The following MTMR2 variants were observed in gnomAD, a reference collection of about 807,000 sequenced individuals.
The protein encoded by MTMR2 is myotubularin related protein 2, also known as phosphatidylinositol-3,5-bisphosphate 3-phosphatase MTMR2.
A neutral mutation model predicts 86.9 loss-of-function variants in MTMR2; 55 were observed. That is an observed-to-expected ratio of 0.63 (90% CI 0.51 to 0.79). The LOEUF is 0.79. Ranked by LOEUF, MTMR2 falls within the 30% of genes least tolerant of loss-of-function variation. MTMR2 has a pLI of 0.00. For synonymous variants in MTMR2, 241 were observed against 266.8 expected (o/e 0.90, Z 0.94); for missense variants, 659 against 772.3 (o/e 0.85, Z 1.74).
chr11:95,869,177 G>T (rs900107774), intron 2 of MTMR2, among the ~76,000 whole-genome samples: 9 of 149,366 alleles, frequency 6.0e-5, no homozygotes, highest in South Asian at 2.1e-4. Flanking sequence ...TTAAAAGTTA[G>T]CAACTATGAA....
rs1867035628 is a variant in MTMR2 at position 95,923,925 on chromosome 11, A to G, written c.30T>C (p.Leu10=). The G allele has an allele frequency of 1.3e-6, 2 of 1,561,522 alleles. No individual in the cohort carries two copies. Among genetic ancestry groups the G allele is most frequent in the African/African-American group, 2.7e-5 (2 of 73,668 alleles). ...GCCGAGCCGCCGCCGGCTGGGAGCC[A>G]AGACTCTCGCAGCTCGAGCTCTTCT... is the stretch of plus-strand genomic sequence containing the variant. MEKSSSCES[L]GSQPAAARPP... Residue 10 remains leucine (L), a synonymous_variant, in exon 1 of 15, where the codon CTT becomes CTC. Transcript: ENST00000346299.
chr11:95,907,248 C>T (rs963465111), intron 1 of MTMR2, among the ~76,000 whole-genome samples: 1 of 152,044 alleles, frequency 6.6e-6, no homozygotes, highest in Non-Finnish European at 1.5e-5. Context: ...TCTATAGACA[C>T]AAACTAGAAA....
chr11:95,874,889 A>T (rs1865044652), intron 2 of MTMR2, among the ~76,000 whole-genome samples: 1 of 152,162 alleles, frequency 6.6e-6, no homozygotes. Flanking sequence ...TTCTGGGTTG[A>T]AAATTCTTTT....
At chr11:95,854,617 C>A (rs1864143753) in intron 7 of MTMR2, among the ~76,000 whole-genome samples, 1 of 151,490 alleles carries the variant, frequency 6.6e-6, no homozygotes, top group African/African-American at 2.4e-5. Context: ...AGGCATGCAC[C>A]ACCATGCCTG....
At chr11:95,886,122 G>A (rs117744708) in intron 2 of MTMR2, among the ~76,000 whole-genome samples, 2,501 of 152,158 alleles carry the variant, frequency 0.016, 33 homozygotes, top group South Asian at 0.062. Context: ...CATCCTGCAT[G>A]GGTAGGATCC....
intron 11 of MTMR2, among the ~76,000 whole-genome samples, chr11:95,842,048 G>A (rs1863570833): frequency 2.0e-5 from 3 of 152,122 alleles, no homozygotes; most frequent in Admixed American, 2.0e-4. Context: ...AACTACGGTC[G>A]CATCACTGCA....
intron 3 of MTMR2, 60 bp downstream of exon 3, chr11:95,865,541 A>C: frequency 6.9e-7 from 1 of 1,450,106 alleles, no homozygotes; most frequent in Non-Finnish European, 9.7e-7. Flanking sequence ...TGCTGAGAGT[A>C]CTGAACATTC....
chr11:95,859,550 T>C (rs1355872536), intron 5 of MTMR2, among the ~76,000 whole-genome samples: 1 of 152,222 alleles, frequency 6.6e-6, no homozygotes, highest in Non-Finnish European at 1.5e-5. Flanking sequence ...AGACTTTTCC[T>C]ATGTTCTTAT....
intron 6 of MTMR2, among the ~76,000 whole-genome samples, chr11:95,857,850 A>C (rs1036199617): frequency 3.3e-5 from 5 of 152,184 alleles, no homozygotes; most frequent in African/African-American, 4.8e-5. Context: ...GACACTTGCC[A>C]ACAAAACTTA....
chr11:95,923,114 G>A (rs1246070583), intron 1 of MTMR2, among the ~76,000 whole-genome samples: 1 of 152,134 alleles, frequency 6.6e-6, no homozygotes, highest in Non-Finnish European at 1.5e-5. Flanking sequence ...AAAGCTCTCT[G>A]CAAAGCTGCA....
chr11:95,898,527 C>T (rs1020265194), intron 1 of MTMR2, among the ~76,000 whole-genome samples: 17 of 151,686 alleles, frequency 1.1e-4, no homozygotes, highest in African/African-American at 3.9e-4. Context: ...CACACACACA[C>T]AAAAAAACAC....
At chr11:95,888,539 A>G (rs1308061800) in intron 1 of MTMR2, among the ~76,000 whole-genome samples, 1 of 152,152 alleles carries the variant, frequency 6.6e-6, no homozygotes, top group African/African-American at 2.4e-5. Context: ...CCATCCATTC[A>G]TTCATCCAAA....
intron 2 of MTMR2, among the ~76,000 whole-genome samples, chr11:95,885,510 C>T (rs904175513): frequency 2.6e-5 from 4 of 151,908 alleles, no homozygotes; most frequent in East Asian, 1.9e-4. Flanking sequence ...AGCAAAGGAA[C>T]AAAAGATCTG....
chr11:95,835,761 T>C (rs574281159), intron 14 of MTMR2, among the ~76,000 whole-genome samples: 32 of 152,214 alleles, frequency 2.1e-4, no homozygotes, highest in Non-Finnish European at 4.3e-4. Context: ...CTGTTATTTA[T>C]AGGTTTTTAG....
At chr11:95,923,617 C>A in intron 1 of MTMR2, 10 of 1,318,604 alleles carry the variant, frequency 7.6e-6, no homozygotes, top group Non-Finnish European at 9.9e-6. Context: ...TTAACTGGGA[C>A]CACCTCCATC....
intron 2 of MTMR2, among the ~76,000 whole-genome samples, chr11:95,871,861 G>A (rs1328244814): frequency 6.6e-6 from 1 of 152,152 alleles, no homozygotes; most frequent in African/African-American, 2.4e-5. Context: ...GGTTTTTATG[G>A]TTTTAGGCCT....
intron 7 of MTMR2, among the ~76,000 whole-genome samples, chr11:95,853,103 A>G (rs565104096): frequency 7.6e-4 from 113 of 148,572 alleles, no homozygotes; most frequent in Non-Finnish European, 1.3e-3. Context: ...AAAAATATAT[A>G]TTTCATATTT....
At chr11:95,907,240 T>C (rs549048114) in intron 1 of MTMR2, among the ~76,000 whole-genome samples, 13 of 152,234 alleles carry the variant, frequency 8.5e-5, no homozygotes, top group East Asian at 1.9e-4. Flanking sequence ...TGAATACCTC[T>C]ATAGACACAA....
At chr11:95,900,867 T>A (rs534612759) in intron 1 of MTMR2, among the ~76,000 whole-genome samples, 3 of 152,354 alleles carry the variant, frequency 2.0e-5, no homozygotes, top group Non-Finnish European at 2.9e-5. Flanking sequence ...CTACTGATGC[T>A]GTTTTCTAGA....
Sources: gnomAD v4.1 joint callset for allele counts (sites outside exome capture counted in the v4.1 genomes callset) on GRCh38, gnomAD v4.1.1 for gene constraint, MANE v1.5 for transcripts, NCBI Gene and HGNC (gene_info 2026-07-23, HGNC 2026-07-21) for gene names.